CHCHD2: variants seen among roughly 807,000 people sequenced by gnomAD.
CHCHD2 encodes coiled-coil-helix-coiled-coil-helix domain-containing protein 2.
CHCHD2 carries 17 observed loss-of-function variants against 17.5 expected under a neutral mutation model. The ratio of observed to expected loss-of-function variants is 0.97; its 90% confidence interval spans 0.67 to 1.46. The LOEUF is 1.46. Among genes scored for constraint, CHCHD2 ranks in the 40% most tolerant of loss-of-function variants. The probability of loss-of-function intolerance (pLI) is 0.00; values close to 1 mark genes in which losing one functional copy is unlikely to be tolerated. For missense variants in CHCHD2, 175 were observed against 199.9 expected (o/e 0.88, Z 0.75); for synonymous variants, 63 against 74.3 (o/e 0.85, Z 0.78).
chr7:56,101,663 C>G lies in CHCHD2; in HGVS notation c.*188G>C. 1.9e-6 allele frequency: 1 copy of G among 533,560 alleles called. No homozygotes were observed. The highest frequency in any genetic ancestry group is 3.4e-6 in the Non-Finnish European group (1 of 294,884). 33.1% of individuals were successfully genotyped at this position (533,560 alleles called of 1,614,324 possible). On this transcript the variant is annotated 3_prime_UTR_variant, in exon 4 of 4. Coordinates refer to ENST00000395422, the MANE Select transcript of CHCHD2 (RefSeq NM_016139.4). ...TAAGGAGGCCACACAAACATTTGCCCAGTCCCAGATTCTACAGAGTAGGGA... is the reference window on the plus strand; with the variant it reads ...TAAGGAGGCCACACAAACATTTGCCGAGTCCCAGATTCTACAGAGTAGGGA...
intron 3 of CHCHD2, 94 bp from the exon 4 acceptor site, chr7:56,101,955 C>A: frequency 8.2e-7 from 1 of 1,220,904 alleles, no homozygotes; most frequent in South Asian, 1.3e-5. Flanking sequence ...GACAAAAGGC[C>A]AAGGCTATGG....
At chr7:56,103,084 T>C (rs776130691) in intron 2 of CHCHD2, 73 bp from the exon 3 acceptor site, 2 of 1,532,148 alleles carry the variant, frequency 1.3e-6, no homozygotes, top group Non-Finnish European at 1.8e-6. Context: ...AGAGTATCCA[T>C]CCTCTTTGAG....
rs775408446 is a variant in CHCHD2 at position 56,104,334 on chromosome 7, AGCT to A, written c.189_191del (p.Ala64del). 2 of 1,613,498 alleles carry A rather than the reference AGCT, an allele frequency of 1.2e-6. No homozygotes were observed. The highest frequency in any genetic ancestry group is 2.7e-5 in the African/African-American group (2 of 75,034). ...CCACAGCAGAGCCCACAGCCACGCC[AGCT>A]GCAGTGGTTGCCATCTGGGCCATCA... On this transcript the variant is annotated inframe_deletion, in exon 2 of 4. Transcript: ENST00000395422.
At chr7:56,102,235 T>C (rs780172623) in intron 3 of CHCHD2, among the ~76,000 whole-genome samples, 5 of 152,220 alleles carry the variant, frequency 3.3e-5, no homozygotes, top group Non-Finnish European at 5.9e-5. Flanking sequence ...TCTTTTTGTC[T>C]ATTCCTGGAT....
intron 1 of CHCHD2, among the ~76,000 whole-genome samples, chr7:56,105,773 A>C (rs913630744): frequency 3.3e-5 from 5 of 152,182 alleles, no homozygotes; most frequent in Admixed American, 2.6e-4. Flanking sequence ...CCTGAGTTAG[A>C]CTCTGACTCA....
At chr7:56,105,491 T>C (rs922136803) in intron 1 of CHCHD2, among the ~76,000 whole-genome samples, 1 of 152,216 alleles carries the variant, frequency 6.6e-6, no homozygotes. Flanking sequence ...ATAATTAACA[T>C]AGGCTGCGGA....
intron 1 of CHCHD2, 116 bp downstream of exon 1, chr7:56,106,248 C>T: frequency 4.4e-6 from 4 of 901,928 alleles, no homozygotes; most frequent in Non-Finnish European, 6.8e-6. Context: ...CTGGCAGAGG[C>T]GAGCCCACGC....
chr7:56,105,395 G>A (rs1319014513), intron 1 of CHCHD2, among the ~76,000 whole-genome samples: 1 of 152,152 alleles, frequency 6.6e-6, no homozygotes, highest in East Asian at 1.9e-4. Context: ...CAAGTATTAG[G>A]TAACTACAAG....
At chr7:56,103,070 A>G in intron 2 of CHCHD2, 59 bp from the exon 3 acceptor site, 1 of 1,574,824 alleles carries the variant, frequency 6.3e-7, no homozygotes, top group Non-Finnish European at 8.7e-7. Flanking sequence ...TGCCTAGACA[A>G]TGAAGAGTAT....
chr7:56,103,769 G>A, intron 2 of CHCHD2, among the ~76,000 whole-genome samples: 1 of 152,224 alleles, frequency 6.6e-6, no homozygotes, highest in South Asian at 2.1e-4. Context: ...AAAACTGGAT[G>A]GAGCAGTTTC....
In CHCHD2 at chr7:56,104,457, T is replaced by G; in HGVS notation, c.69A>C (p.Arg23Ser). The G allele has an allele frequency of 1.3e-6, 2 of 1,596,514 alleles. No individual in the cohort carries two copies. Among genetic ancestry groups the G allele is most frequent in the Non-Finnish European group, 1.7e-6 (2 of 1,167,946 alleles). ...CGACTGGTGCTGGCCTGGGTGCAGC[T>G]CTCATCTGAGGGGCCCGGCTGTGAA... Reference protein sequence around the residue: ...APPASRAPQMRAAPRPAPVAQ... With the variant: ...APPASRAPQMSAAPRPAPVAQ... Residue 23 changes from arginine to serine, a missense_variant, in exon 2 of 4, where the codon AGA becomes AGC. Arg to Ser is a moderately radical substitution (Grantham distance 110). Coordinates refer to ENST00000395422, the MANE Select transcript of CHCHD2 (RefSeq NM_016139.4).
Position 56,103,009 on chromosome 7 carries a change from C to T in CHCHD2, c.303G>A (p.Glu101=). 6.2e-7 allele frequency: 1 copy of T among 1,614,182 alleles called. No homozygotes were observed. The highest frequency in any genetic ancestry group is 8.5e-7 in the Non-Finnish European group (1 of 1,180,026). The change falls in exon 3 of 4, where the codon GAG becomes GAA. Residue 101 remains glutamate, a splice_region_variant and synonymous_variant. Transcript: ENST00000395422. The part of the protein sequence containing the change: ...EPARPDITYQ[E]PQGTQPAQQQ... ...GCTGTGCTGGCTGGGTTCCCTGAGG[C>T]TCCTGCAAAGGCAAAACATTCAACA... is the stretch of plus-strand genomic sequence containing the variant.
intron 1 of CHCHD2, among the ~76,000 whole-genome samples, chr7:56,105,417 GTAAC>G (rs966065934): frequency 6.6e-6 from 1 of 152,186 alleles, no homozygotes; most frequent in African/African-American, 2.4e-5. Context: ...CGCTGGTAAT[GTAAC>G]TGTGAACAAG....
At chr7:56,103,709 G>T (rs1396132972) in intron 2 of CHCHD2, among the ~76,000 whole-genome samples, 1 of 152,180 alleles carries the variant, frequency 6.6e-6, no homozygotes, top group African/African-American at 2.4e-5. Flanking sequence ...TTGTTATCAA[G>T]ACTAAATGGT....
chr7:56,104,609 CAATTTT>C (rs1459173055), intron 1 of CHCHD2, 134 bp from the exon 2 acceptor site: 14 of 1,031,408 alleles, frequency 1.4e-5, no homozygotes, highest in Admixed American at 9.2e-5. Flanking sequence ...TTTCTCTCTT[CAATTTT>C]TTTTTTTTTG....
intron 1 of CHCHD2, among the ~76,000 whole-genome samples, chr7:56,105,610 T>A (rs1022568839): frequency 1.3e-5 from 2 of 152,142 alleles, no homozygotes; most frequent in African/African-American, 4.8e-5. Flanking sequence ...ACCCTGTCTC[T>A]GCTAAAATAT....
rs1392268226 is a variant in CHCHD2 at position 56,104,252 on chromosome 7, G to T, written c.274C>A (p.Pro92Thr). 6.2e-7 allele frequency: 1 copy of T among 1,613,398 alleles called. No individual in the cohort carries two copies. Residue 92 changes from proline to threonine, a missense_variant, in exon 2 of 4, where the codon CCT (proline) becomes ACT (threonine). By Grantham distance (38) the Pro-to-Thr change is conservative. Transcript: ENST00000395422. ...TGGTAAGTGATGTCAGGCCTCGCAG[G>T]CTCAGCATTACTTCCTCCACTGAAG... ...GGFSGGSNAE[P>T]ARPDITYQEP...
chr7:56,106,360 T>C lies in CHCHD2; in HGVS notation c.50+4A>G, dbSNP rs369456404. 1.2e-6 allele frequency: 2 copies of C among 1,612,682 alleles called. No homozygotes were observed. The highest frequency in any genetic ancestry group is 1.3e-5 in the African/African-American group (1 of 74,860). On this transcript the variant is annotated splice_donor_region_variant and intron_variant, in intron 1 of 3. Transcript: ENST00000395422. ...TTTGGTCTCAAACCCTGCGATGGTCTCACCTGGCCGGAGGGGCCATGCGGG... is the reference window on the plus strand; with the variant it reads ...TTTGGTCTCAAACCCTGCGATGGTCCCACCTGGCCGGAGGGGCCATGCGGG...
rs752169833 is a variant in CHCHD2, at chr7:56,102,878, C to T, written c.434G>A (p.Arg145Gln). The change falls in exon 3 of 4, where the codon CGA (arginine) becomes CAA (glutamine). Residue 145 changes from arginine to glutamine, a missense_variant. Physicochemically the swap from Arg to Gln is conservative, Grantham distance 43 (BLOSUM62 1). Transcript: ENST00000395422. Reference protein sequence around the residue: ...EGFNEVLKQCRLANGLA With the variant: ...EGFNEVLKQCQLANGLA The stretch of plus-strand genomic sequence containing the variant: ...GACAAATTACCTACCGTTTGCAAGT[C>T]GGCACTGTTTCAGCACCTCATTGAA... 32 of 1,613,872 alleles carry T rather than the reference C, an allele frequency of 2.0e-5. No individual in the cohort carries two copies. The highest frequency in any genetic ancestry group is 1.8e-4 in the South Asian group (16 of 91,072).
Sources: gnomAD v4.1 joint callset for allele counts (sites outside exome capture counted in the v4.1 genomes callset) on GRCh38, gnomAD v4.1.1 for gene constraint, MANE v1.5 for transcripts, NCBI Gene and HGNC (gene_info 2026-07-23, HGNC 2026-07-21) for gene names.